Variants in PTPRD observed in about 807,000 individuals in gnomAD.
PTPRD encodes receptor-type tyrosine-protein phosphatase delta.
A neutral mutation model predicts 214.5 loss-of-function variants in PTPRD; 34 were observed. The ratio of observed to expected loss-of-function variants is 0.16; its 90% confidence interval spans 0.12 to 0.21. The LOEUF is 0.21. Ranked by LOEUF, PTPRD falls within the 10% of genes least tolerant of loss-of-function variation. PTPRD has a pLI of 1.00. For missense variants in PTPRD, 2,545 were observed against 2,398.7 expected, an observed-to-expected ratio of 1.06 and a Z score of -1.27; for synonymous variants, 1,128 against 845.7, an observed-to-expected ratio of 1.33 and a Z score of -5.79.
chr9:10,476,912 C>T (rs962828085), intron 2 of PTPRD, among the ~76,000 whole-genome samples: 4 of 152,186 alleles, frequency 2.6e-5, no homozygotes, highest in South Asian at 2.1e-4. Flanking sequence ...ATAAATGGTG[C>T]TGTAAAAACA....
intron 8 of PTPRD, among the ~76,000 whole-genome samples, chr9:9,420,916 G>T (rs767269610): frequency 6.6e-6 from 1 of 151,520 alleles, no homozygotes; most frequent in South Asian, 2.1e-4. Flanking sequence ...CCTTAACAGT[G>T]GTCTTTTTTC....
At chr9:9,421,692 T>C (rs2078864308) in intron 8 of PTPRD, among the ~76,000 whole-genome samples, 2 of 152,222 alleles carry the variant, frequency 1.3e-5, no homozygotes, top group East Asian at 3.9e-4. Flanking sequence ...GTGAAAATGA[T>C]ACTAACCAAA....
intron 8 of PTPRD, among the ~76,000 whole-genome samples, chr9:9,467,065 T>C (rs1243616814): frequency 6.6e-6 from 1 of 151,710 alleles, no homozygotes; most frequent in African/African-American, 2.4e-5. Context: ...AGAATTTTGG[T>C]AATGTATTTC....
chr9:9,982,732 G>A (rs962174701), intron 4 of PTPRD, among the ~76,000 whole-genome samples: 1 of 151,748 alleles, frequency 6.6e-6, no homozygotes, highest in Non-Finnish European at 1.5e-5. Context: ...AGGTCTCAGA[G>A]CAAAAGGTCC....
intron 14 of PTPRD, among the ~76,000 whole-genome samples, chr9:8,579,953 G>C (rs990898516): frequency 1.4e-4 from 22 of 152,160 alleles, no homozygotes; most frequent in African/African-American, 5.1e-4. Flanking sequence ...GTGTGAAACA[G>C]GATAGTGGCA....
chr9:9,309,602 C>G (rs986572396), intron 9 of PTPRD, among the ~76,000 whole-genome samples: 7 of 152,118 alleles, frequency 4.6e-5, no homozygotes, highest in Admixed American at 1.3e-4. Flanking sequence ...CCTAGCACAT[C>G]AAAGAGAGAC....
At chr9:9,075,360 C>A (rs979348715) in intron 10 of PTPRD, among the ~76,000 whole-genome samples, 1 of 151,944 alleles carries the variant, frequency 6.6e-6, no homozygotes, top group Non-Finnish European at 1.5e-5. Context: ...ACTGTAATCA[C>A]CCCGTTGTAC....
intron 2 of PTPRD, among the ~76,000 whole-genome samples, chr9:10,475,919 T>C (rs576663329): frequency 6.6e-6 from 1 of 151,962 alleles, no homozygotes; most frequent in South Asian, 2.1e-4. Flanking sequence ...AGGCCTTCAA[T>C]ACAAATTCAA....
intron 9 of PTPRD, among the ~76,000 whole-genome samples, chr9:9,268,866 A>G (rs561918740): frequency 6.6e-6 from 1 of 151,122 alleles, no homozygotes; most frequent in African/African-American, 2.4e-5. Flanking sequence ...ACTCAACTCA[A>G]AATGGATTAA....
chr9:10,035,259 T>C lies in PTPRD; in HGVS notation c.-544-1469A>G, dbSNP rs546667881. 9.1e-4 allele frequency among the ~76,000 whole-genome samples: 138 copies of C among 152,254 alleles called. 1 individual carries two copies. The highest frequency in any genetic ancestry group is 3.3e-3 in the African/African-American group (138 of 41,554). Reference sequence around the variant, plus strand: ...CGCATGTAGGTCTTCTTTTGAGAAGTGCCCTTTGCCCACTTTTTAATGGGG... The same window carrying C: ...CGCATGTAGGTCTTCTTTTGAGAAGCGCCCTTTGCCCACTTTTTAATGGGG... On this transcript the variant is annotated intron_variant, in intron 3 of 45. Coordinates refer to ENST00000381196, the MANE Select transcript of PTPRD (RefSeq NM_002839.4).
At chr9:9,846,902 A>G (rs894205983) in intron 5 of PTPRD, among the ~76,000 whole-genome samples, 2 of 152,076 alleles carry the variant, frequency 1.3e-5, no homozygotes, top group Admixed American at 1.3e-4. Context: ...ATTATGATAA[A>G]GGTTTTATCT....
At chr9:10,152,494 G>C (rs1452454884) in intron 3 of PTPRD, among the ~76,000 whole-genome samples, 4 of 152,022 alleles carry the variant, frequency 2.6e-5, no homozygotes, top group South Asian at 2.1e-4. Flanking sequence ...GAAAAATTTT[G>C]CATGTATACA....
At chr9:9,914,781 G>C (rs2080226213) in intron 5 of PTPRD, among the ~76,000 whole-genome samples, 1 of 152,116 alleles carries the variant, frequency 6.6e-6, no homozygotes, top group Non-Finnish European at 1.5e-5. Context: ...CATATCTCAG[G>C]CCTGAGAAGT....
chr9:9,335,053 C>A (rs1173415638), intron 9 of PTPRD, among the ~76,000 whole-genome samples: 2 of 152,016 alleles, frequency 1.3e-5, no homozygotes, highest in African/African-American at 4.8e-5. Flanking sequence ...TTAATATATG[C>A]TCATCTTGTA....
chr9:10,046,096 A>G lies in PTPRD; in HGVS notation c.-544-12306T>C, dbSNP rs756446904. 7.2e-5 allele frequency among the ~76,000 whole-genome samples: 11 copies of G among 151,926 alleles called. 1 individual carries two copies. Among genetic ancestry groups the G allele is most frequent in the African/African-American group, 2.2e-4 (9 of 41,558 alleles). ...ATTTGATATACAGAAATATTCTAGC[A>G]GCTGGATTTTGCTAATGATCAACTA... is the stretch of plus-strand genomic sequence containing the variant. On this transcript the variant is annotated intron_variant, in intron 3 of 45. Transcript: ENST00000381196.
chr9:10,200,571 T>G (rs577764713), intron 3 of PTPRD, among the ~76,000 whole-genome samples: 2 of 152,116 alleles, frequency 1.3e-5, no homozygotes, highest in Non-Finnish European at 2.9e-5. Context: ...CTACCTTTCA[T>G]GGCTATCCAG....
chr9:10,178,711 G>C (rs182841307), intron 3 of PTPRD, among the ~76,000 whole-genome samples: 1 of 151,894 alleles, frequency 6.6e-6, no homozygotes, highest in Admixed American at 6.6e-5. Context: ...TGATATTCTA[G>C]GCCATATAAT....
chr9:8,455,939 C>G (rs1052579815), intron 33 of PTPRD, among the ~76,000 whole-genome samples: 1 of 152,074 alleles, frequency 6.6e-6, no homozygotes, highest in African/African-American at 2.4e-5. Flanking sequence ...TCACCATACA[C>G]CTGGGTACAT....
intron 7 of PTPRD, among the ~76,000 whole-genome samples, chr9:9,610,162 G>A (rs1388732719): frequency 2.0e-5 from 3 of 152,084 alleles, no homozygotes; most frequent in African/African-American, 7.2e-5. Context: ...TCTTTCGAAA[G>A]GCTTTTATAA....
Sources: gnomAD v4.1 joint callset for allele counts (sites outside exome capture counted in the v4.1 genomes callset) on GRCh38, gnomAD v4.1.1 for gene constraint, MANE v1.5 for transcripts, NCBI Gene and HGNC (gene_info 2026-07-23, HGNC 2026-07-21) for gene names.